The following SRPK2 variants were observed in gnomAD, a reference collection of about 807,000 sequenced individuals.
SRPK2 encodes the protein SFRS protein kinase 2.
Under a neutral mutation model 90.8 loss-of-function variants are expected in SRPK2, and 21 were observed. That is an observed-to-expected ratio of 0.23 (90% confidence interval 0.16 to 0.33). The LOEUF is 0.33. Ranked by LOEUF, SRPK2 falls within the 10% of genes least tolerant of loss-of-function variation. The probability of loss-of-function intolerance (pLI) is 1.00; values close to 1 mark genes in which losing one functional copy is unlikely to be tolerated. For synonymous variants in SRPK2, 288 were observed against 311.1 expected (o/e 0.93, Z 0.78); for missense variants, 620 against 869.0 (o/e 0.71, Z 3.60).
chr7:105,140,106 G>A (rs1287013034), intron 11 of SRPK2, among the ~76,000 whole-genome samples: 1 of 152,006 alleles, frequency 6.6e-6, no homozygotes, highest in African/African-American at 2.4e-5. Context: ...GTATTGTTTA[G>A]GGAGTAATGA....
chr7:105,293,788 A>G (rs1809409762), intron 2 of SRPK2, among the ~76,000 whole-genome samples: 1 of 152,206 alleles, frequency 6.6e-6, no homozygotes, highest in Admixed American at 6.5e-5. Flanking sequence ...AATGTTACCT[A>G]GCTAAGTAAG....
At chr7:105,210,121 G>T (rs190231510) in intron 2 of SRPK2, among the ~76,000 whole-genome samples, 4 of 152,098 alleles carry the variant, frequency 2.6e-5, no homozygotes, top group Non-Finnish European at 5.9e-5. Context: ...CTGCTACTGC[G>T]TATTTCTTTT....
At chr7:105,373,765 A>G (rs150891771) in intron 2 of SRPK2, among the ~76,000 whole-genome samples, 346 of 152,176 alleles carry the variant, frequency 2.3e-3, no homozygotes, top group Non-Finnish European at 3.7e-3. Flanking sequence ...TCTTTCCTGC[A>G]GTAAGCTGAC....
Position 105,327,999 on chromosome 7 carries a change from G to A in SRPK2, c.71+60649C>T, listed in dbSNP as rs141359638. Among the ~76,000 whole-genome samples, 774 of 152,088 alleles carry A rather than the reference G, an allele frequency of 5.1e-3. 11 individuals are homozygous for A. The East Asian group carries it at 0.055, about 11-fold the overall frequency. ...TATCTGTAGTAAAAACGGGGTTTCAGTTCTGACCTCAAGTGATCAGCCCAC... is the reference window on the plus strand; with the variant it reads ...TATCTGTAGTAAAAACGGGGTTTCAATTCTGACCTCAAGTGATCAGCCCAC... On this transcript the variant is annotated intron_variant, in intron 2 of 15. Transcript: ENST00000393651.
intron 2 of SRPK2, among the ~76,000 whole-genome samples, chr7:105,286,042 T>C (rs1180048121): frequency 6.6e-6 from 1 of 152,236 alleles, no homozygotes; most frequent in Non-Finnish European, 1.5e-5. Flanking sequence ...TATCGCATTA[T>C]CTTCATTTTA....
intron 2 of SRPK2, among the ~76,000 whole-genome samples, chr7:105,278,561 C>CT (rs1806829901): frequency 6.6e-6 from 1 of 151,000 alleles, no homozygotes; most frequent in Non-Finnish European, 1.5e-5. Context: ...TGGCATGTGC[C>CT]TGTAGTCTGA....
chr7:105,319,509 G>A lies in SRPK2; in HGVS notation c.71+69139C>T, dbSNP rs868301879. 1.4e-3 allele frequency among the ~76,000 whole-genome samples: 171 copies of A among 120,858 alleles called. 22 individuals carry two copies. The highest frequency in any genetic ancestry group is 4.4e-3 in the African/African-American group (153 of 35,022). 79.3% of individuals were successfully genotyped at this position (120,858 alleles called of 152,430 possible). A position where few individuals can be genotyped will look rare whatever the true frequency, so the allele number is the denominator to read the frequency against. On this transcript the variant is annotated intron_variant, in intron 2 of 15. Transcript: ENST00000393651. ...TAAATTTAATGCACTTGCGGCGGGG[G>A]GGGGGGGGGCGGTGGATGGCAGGGG...
intron 2 of SRPK2, among the ~76,000 whole-genome samples, chr7:105,326,299 C>A (rs908840994): frequency 5.9e-5 from 9 of 152,164 alleles, no homozygotes; most frequent in Admixed American, 5.2e-4. Flanking sequence ...ATAATCCATT[C>A]CCCATATGGT....
chr7:105,149,082 C>G (rs187874455), intron 7 of SRPK2, among the ~76,000 whole-genome samples: 1 of 152,258 alleles, frequency 6.6e-6, no homozygotes, highest in East Asian at 1.9e-4. Flanking sequence ...AGCCCAACAC[C>G]CATAAAGGGT....
chr7:105,197,820 TTGA>T (rs1795106141), intron 3 of SRPK2, among the ~76,000 whole-genome samples: 1 of 152,230 alleles, frequency 6.6e-6, no homozygotes, highest in Non-Finnish European at 1.5e-5. Context: ...ACCACAGCTG[TTGA>T]TGTCTCCAGA....
intron 11 of SRPK2, among the ~76,000 whole-genome samples, chr7:105,137,940 G>C (rs375497511): frequency 6.6e-6 from 1 of 152,096 alleles, no homozygotes; most frequent in Admixed American, 6.5e-5. Flanking sequence ...CCTCCCATGG[G>C]GGAGGCTGCT....
chr7:105,380,521 ATTTTTTTT>A (rs35323315), intron 2 of SRPK2, among the ~76,000 whole-genome samples: 1 of 107,294 alleles, frequency 9.3e-6, no homozygotes, highest in Admixed American at 9.6e-5. Flanking sequence ...ACATGCTAAA[ATTTTTTTT>A]TTTTTTTTTT....
intron 2 of SRPK2, among the ~76,000 whole-genome samples, chr7:105,345,769 C>T (rs1816380896): frequency 6.6e-6 from 1 of 152,214 alleles, no homozygotes; most frequent in African/African-American, 2.4e-5. Context: ...TGTTGTTCTA[C>T]ATCTGCTCTT....
intron 3 of SRPK2, 40 bp from the exon 4 acceptor site, chr7:105,169,305 C>T (rs769816168): frequency 9.6e-6 from 14 of 1,460,020 alleles, no homozygotes; most frequent in Middle Eastern, 1.7e-4. Context: ...TCAAAATATT[C>T]GAAAAGTAGT....
chr7:105,280,855 G>C (rs1277859630), intron 2 of SRPK2, among the ~76,000 whole-genome samples: 2 of 145,428 alleles, frequency 1.4e-5, no homozygotes, highest in East Asian at 4.4e-4. Flanking sequence ...GCTGACGCAG[G>C]AGAATGGCGT....
chr7:105,187,140 C>A (rs71562646), intron 3 of SRPK2, among the ~76,000 whole-genome samples: 8 of 152,116 alleles, frequency 5.3e-5, no homozygotes, highest in Non-Finnish European at 1.2e-4. Context: ...ATTTATTATA[C>A]AACAATAATC....
chr7:105,132,576 C>A (rs188387259), intron 13 of SRPK2, among the ~76,000 whole-genome samples: 161 of 152,294 alleles, frequency 1.1e-3, no homozygotes, highest in Non-Finnish European at 2.0e-3. Flanking sequence ...TCTCACAAGC[C>A]CACAACCACA....
At chr7:105,203,494 GAC>G in intron 3 of SRPK2, 132 bp downstream of exon 3, 2 of 925,288 alleles carry the variant, frequency 2.2e-6, no homozygotes, top group Non-Finnish European at 3.0e-6. Context: ...AAATGATAAT[GAC>G]ACAAGGAGGC....
intron 2 of SRPK2, among the ~76,000 whole-genome samples, chr7:105,357,321 G>A (rs947420643): frequency 6.6e-6 from 1 of 152,200 alleles, no homozygotes; most frequent in Non-Finnish European, 1.5e-5. Flanking sequence ...TTACAGGCGT[G>A]AGCCACTGCG....
Sources: allele counts gnomAD v4.1 joint callset (sites outside exome capture counted in the v4.1 genomes callset), GRCh38; gene constraint gnomAD v4.1.1; transcripts MANE v1.5; gene names NCBI Gene and HGNC (gene_info 2026-07-23, HGNC 2026-07-21).